VWC2L: variants seen among roughly 807,000 people sequenced by gnomAD.
The protein encoded by VWC2L is von Willebrand factor C domain-containing protein 2-like.
A neutral mutation model predicts 21.6 loss-of-function variants in VWC2L; 10 were observed. The ratio of observed to expected loss-of-function variants is 0.46; its 90% confidence interval spans 0.29 to 0.78. The LOEUF (loss-of-function observed/expected upper bound fraction) is 0.78, where lower values mean the gene tolerates loss of function less well. Among genes scored for constraint, VWC2L ranks in the 30% least tolerant of loss-of-function variants. VWC2L has a pLI of 0.10. For missense variants in VWC2L, 209 were observed against 277.1 expected, an observed-to-expected ratio of 0.75 and a Z score of 1.74; for synonymous variants, 96 against 94.3, an observed-to-expected ratio of 1.02 and a Z score of -0.10.
intron 2 of VWC2L, among the ~76,000 whole-genome samples, chr2:214,425,794 G>C (rs1445029142): frequency 1.3e-5 from 2 of 152,066 alleles, no homozygotes; most frequent in Non-Finnish European, 2.9e-5. Flanking sequence ...TGACCCTCAA[G>C]GTGCGCCTAG....
intron 3 of VWC2L, among the ~76,000 whole-genome samples, chr2:214,487,906 A>G (rs1559305766): frequency 6.6e-6 from 1 of 152,206 alleles, no homozygotes; most frequent in African/African-American, 2.4e-5. Flanking sequence ...CTCATAAACC[A>G]AACAGTCAGG....
intron 3 of VWC2L, among the ~76,000 whole-genome samples, chr2:214,491,789 G>C (rs1385439812): frequency 6.6e-6 from 1 of 151,872 alleles, no homozygotes; most frequent in Non-Finnish European, 1.5e-5. Context: ...TTAACCTCCT[G>C]AGTTTTATTT....
chr2:214,518,531 C>A (rs992745515), intron 3 of VWC2L, among the ~76,000 whole-genome samples: 1 of 152,136 alleles, frequency 6.6e-6, no homozygotes, highest in Non-Finnish European at 1.5e-5. Context: ...TTCCCTTCTT[C>A]CAACCAGGAC....
chr2:214,550,061 G>T (rs1689769241), intron 3 of VWC2L, among the ~76,000 whole-genome samples: 1 of 152,132 alleles, frequency 6.6e-6, no homozygotes, highest in Admixed American at 6.5e-5. Context: ...TTTTTAAAGT[G>T]GCTAATGCAG....
rs1334625501 is a variant in VWC2L at position 214,511,872 on chromosome 2, TTTATATATATA to T, written c.521-63799_521-63789del. ...ATATATATATACTCTATATATATAC[TTTATATATATA>T]CTTTATATAGATATACTTTACTTTA... On this transcript the variant is annotated intron_variant, in intron 3 of 3. Coordinates refer to ENST00000312504, the MANE Select transcript of VWC2L (RefSeq NM_001080500.4). Among the ~76,000 whole-genome samples the T allele has an allele frequency of 4.0e-4, 25 of 62,156 alleles. No homozygotes were observed. In the South Asian group the frequency reaches 8.6e-3, roughly 21 times the overall value. 40.8% of individuals were successfully genotyped at this position (62,156 alleles called of 152,430 possible).
chr2:214,478,685 C>T (rs1052658219), intron 3 of VWC2L, among the ~76,000 whole-genome samples: 1 of 152,166 alleles, frequency 6.6e-6, no homozygotes, highest in Admixed American at 6.5e-5. Flanking sequence ...TCCAAAACAA[C>T]CTCAAACTGG....
intron 3 of VWC2L, among the ~76,000 whole-genome samples, chr2:214,557,495 C>T (rs1689892248): frequency 6.6e-6 from 1 of 152,090 alleles, no homozygotes; most frequent in African/African-American, 2.4e-5. Context: ...TTGCTGAGCT[C>T]TGATGGGAAA....
intron 3 of VWC2L, among the ~76,000 whole-genome samples, chr2:214,573,434 G>A (rs1690182200): frequency 6.6e-6 from 1 of 152,126 alleles, no homozygotes; most frequent in Non-Finnish European, 1.5e-5. Flanking sequence ...GTATACAATT[G>A]GGGTAAACAG....
At chr2:214,452,623 A>G (rs1011537592) in intron 3 of VWC2L, among the ~76,000 whole-genome samples, 11 of 152,140 alleles carry the variant, frequency 7.2e-5, no homozygotes, top group Admixed American at 2.0e-4. Context: ...GTGGAATCCT[A>G]GATCATATGG....
Position 214,564,435 on chromosome 2 carries a change from T to G in VWC2L, c.521-11237T>G, listed in dbSNP as rs138667151. ...TTCAAACTATACTACAAGGCAACAG[T>G]AACCAAAACAGCATGGTACTGGTAC... On this transcript the variant is annotated intron_variant, in intron 3 of 3. Transcript: ENST00000312504. Among the ~76,000 whole-genome samples, 644 of 151,698 alleles carry G rather than the reference T, an allele frequency of 4.2e-3. 2 individuals are homozygous for G. The highest frequency in any genetic ancestry group is 0.014 in the African/African-American group (599 of 41,474).
chr2:214,575,764 T>C lies in VWC2L; in HGVS notation c.613T>C (p.Trp205Arg). 1 of 1,613,560 alleles carries C rather than the reference T, an allele frequency of 6.2e-7. No individual in the cohort carries two copies. Among genetic ancestry groups the C allele is most frequent in the South Asian group, 1.1e-5 (1 of 91,080 alleles). The change falls in exon 4 of 4, where the codon TGG becomes CGG. Residue 205 changes from tryptophan (W) to arginine (R), a missense_variant. Coordinates refer to ENST00000312504, the MANE Select transcript of VWC2L (RefSeq NM_001080500.4). ...CNICHCHNGD[W>R]WKPAQCSKRE... is the part of the protein sequence containing the mutation. ...CATCTGTCATTGTCACAACGGGGAC[T>C]GGTGGAAGCCTGCTCAGTGTTCGAA... is the stretch of plus-strand genomic sequence containing the variant.
At chr2:214,562,662 TA>T (rs1260136886) in intron 3 of VWC2L, among the ~76,000 whole-genome samples, 1 of 152,234 alleles carries the variant, frequency 6.6e-6, no homozygotes, top group African/African-American at 2.4e-5. Flanking sequence ...ATTGACTTTT[TA>T]ATAATTGCCA....
chr2:214,438,391 T>A (rs538717773), intron 3 of VWC2L, among the ~76,000 whole-genome samples: 1 of 149,136 alleles, frequency 6.7e-6, no homozygotes, highest in Non-Finnish European at 1.5e-5. Flanking sequence ...AAGACTGCAC[T>A]TTTTTTTTTC....
intron 3 of VWC2L, among the ~76,000 whole-genome samples, chr2:214,540,475 C>G (rs1331766614): frequency 6.6e-6 from 1 of 152,150 alleles, no homozygotes; most frequent in Non-Finnish European, 1.5e-5. Flanking sequence ...AAACAAGACA[C>G]TAGCTTTTCC....
At chr2:214,565,106 T>C (rs1047618015) in intron 3 of VWC2L, among the ~76,000 whole-genome samples, 1 of 152,176 alleles carries the variant, frequency 6.6e-6, no homozygotes, top group Non-Finnish European at 1.5e-5. Flanking sequence ...CTGGAAGTTG[T>C]ACTTCATTCT....
chr2:214,492,295 C>A (rs116552844), intron 3 of VWC2L, among the ~76,000 whole-genome samples: 1 of 152,112 alleles, frequency 6.6e-6, no homozygotes, highest in Non-Finnish European at 1.5e-5. Context: ...AGGGATGCAC[C>A]GCACTCAGAG....
chr2:214,469,525 G>T (rs945842314), intron 3 of VWC2L, among the ~76,000 whole-genome samples: 1 of 152,084 alleles, frequency 6.6e-6, no homozygotes, highest in African/African-American at 2.4e-5. Flanking sequence ...AACCTGGGAG[G>T]CAGAGCTTGC....
At chr2:214,531,880 C>A (rs1689441282) in intron 3 of VWC2L, among the ~76,000 whole-genome samples, 1 of 152,074 alleles carries the variant, frequency 6.6e-6, no homozygotes, top group Non-Finnish European at 1.5e-5. Context: ...TATCCAAGTG[C>A]AGTTTTATAG....
At chr2:214,426,290 C>A (rs187191031) in intron 2 of VWC2L, among the ~76,000 whole-genome samples, 434 of 150,560 alleles carry the variant, frequency 2.9e-3, no homozygotes, top group African/African-American at 9.9e-3. Flanking sequence ...CGTTTGCAAA[C>A]CTAAAGGCAA....
Sources: gnomAD v4.1 joint callset for allele counts (sites outside exome capture counted in the v4.1 genomes callset) on GRCh38, gnomAD v4.1.1 for gene constraint, MANE v1.5 for transcripts, NCBI Gene and HGNC (gene_info 2026-07-23, HGNC 2026-07-21) for gene names.